Variants in IQCM observed in about 807,000 individuals in gnomAD.
IQCM encodes IQ domain-containing protein M.
A neutral mutation model predicts 57.6 loss-of-function variants in IQCM; 45 were observed. The observed-to-expected ratio is 0.78, with a 90% CI of 0.62 to 1.00. IQCM has a LOEUF of 1.00. Among genes scored for constraint, IQCM ranks in the 50% least tolerant of loss-of-function variants. IQCM has a pLI of 0.00. For synonymous variants in IQCM, 148 were observed against 158.9 expected, an observed-to-expected ratio of 0.93 and a Z score of 0.51; for missense variants, 468 against 511.6, an observed-to-expected ratio of 0.91 and a Z score of 0.82.
At chr4:149,447,184 G>T (rs1375150699) in intron 12 of IQCM, among the ~76,000 whole-genome samples, 1 of 151,566 alleles carries the variant, frequency 6.6e-6, no homozygotes, top group African/African-American at 2.4e-5. Context: ...AGGTAGGTTT[G>T]TAAGAAATTT....
intron 5 of IQCM, among the ~76,000 whole-genome samples, chr4:149,706,830 CTT>C (rs944252851): frequency 6.6e-6 from 1 of 151,872 alleles, no homozygotes; most frequent in East Asian, 1.9e-4. Flanking sequence ...CTGGACCTCT[CTT>C]TTTTATTCCT....
At chr4:149,456,342 G>A (rs912054394) in intron 12 of IQCM, among the ~76,000 whole-genome samples, 1 of 152,060 alleles carries the variant, frequency 6.6e-6, no homozygotes, top group Non-Finnish European at 1.5e-5. Context: ...ATCCAAAATG[G>A]TTAGGACTAG....
intron 12 of IQCM, among the ~76,000 whole-genome samples, chr4:149,542,749 TAAG>T (rs1432675673): frequency 2.6e-5 from 4 of 152,108 alleles, no homozygotes; most frequent in Admixed American, 1.3e-4. Context: ...TTTTCATAAT[TAAG>T]AATATGTAAG....
intron 13 of IQCM, among the ~76,000 whole-genome samples, chr4:149,364,765 A>G (rs1729721894): frequency 6.6e-6 from 1 of 152,192 alleles, no homozygotes; most frequent in African/African-American, 2.4e-5. Context: ...CAGTCTGATT[A>G]CCTACAGAAA....
At chr4:149,531,990 C>T (rs561440096) in intron 12 of IQCM, among the ~76,000 whole-genome samples, 36 of 152,136 alleles carry the variant, frequency 2.4e-4, no homozygotes, top group Non-Finnish European at 3.7e-4. Context: ...AAGAGGGTAG[C>T]TTTGCCTGAC....
chr4:149,354,756 G>A (rs1045133422), intron 13 of IQCM, among the ~76,000 whole-genome samples: 8 of 152,018 alleles, frequency 5.3e-5, no homozygotes, highest in Admixed American at 2.0e-4. Flanking sequence ...TTGAAATTGG[G>A]GATAATATAT....
At chr4:149,769,351 A>T (rs750448613) in intron 2 of IQCM, among the ~76,000 whole-genome samples, 4 of 151,960 alleles carry the variant, frequency 2.6e-5, no homozygotes, top group Non-Finnish European at 5.9e-5. Context: ...AATTGACCAC[A>T]CAAAATCCAA....
intron 5 of IQCM, among the ~76,000 whole-genome samples, chr4:149,717,603 A>G (rs1765107990): frequency 6.6e-6 from 1 of 152,234 alleles, no homozygotes; most frequent in African/African-American, 2.4e-5. Flanking sequence ...TCAAATGTTT[A>G]AAGTTAACTT....
At chr4:149,694,088 A>G (rs1763138912) in intron 5 of IQCM, among the ~76,000 whole-genome samples, 1 of 152,208 alleles carries the variant, frequency 6.6e-6, no homozygotes. Flanking sequence ...TTCAACAAAC[A>G]TTTGTTATAA....
chr4:149,481,701 G>GTTTTTTTTTTTTTTGTTTTGTTT (rs1740834894), intron 12 of IQCM, among the ~76,000 whole-genome samples: 1 of 51,550 alleles, frequency 1.9e-5, no homozygotes, highest in African/African-American at 7.6e-5. Flanking sequence ...TTCCAGTTTT[G>GTTTTTTTTTTTTTTGTTTTGTTT]TTTTTTTTTT....
intron 12 of IQCM, among the ~76,000 whole-genome samples, chr4:149,528,302 T>C (rs1746380623): frequency 1.3e-5 from 2 of 152,128 alleles, no homozygotes; most frequent in Admixed American, 6.5e-5. Flanking sequence ...GATTTTTAAA[T>C]AGAATACTCA....
chr4:149,650,408 T>C (rs1363946997), intron 7 of IQCM, among the ~76,000 whole-genome samples: 1 of 148,982 alleles, frequency 6.7e-6, no homozygotes, highest in Non-Finnish European at 1.5e-5. Flanking sequence ...TTCTGGGTTT[T>C]TTTTTTTTTT....
intron 7 of IQCM, among the ~76,000 whole-genome samples, chr4:149,643,031 CTTTT>C (rs945194374): frequency 1.4e-5 from 2 of 143,346 alleles, no homozygotes; most frequent in African/African-American, 2.4e-5. Context: ...AAATTTTTTC[CTTTT>C]TTTAACTTAA....
intron 8 of IQCM, among the ~76,000 whole-genome samples, chr4:149,607,498 A>T (rs1754896693): frequency 6.6e-6 from 1 of 152,116 alleles, no homozygotes; most frequent in Non-Finnish European, 1.5e-5. Flanking sequence ...ATACTCTAAC[A>T]ATGTAATTGC....
chr4:149,438,225 T>C (rs1296847353), intron 12 of IQCM, among the ~76,000 whole-genome samples: 1 of 152,030 alleles, frequency 6.6e-6, no homozygotes, highest in Non-Finnish European at 1.5e-5. Context: ...AAAAAAAACA[T>C]ATTTTATAGT....
At chr4:149,636,433 G>A (rs1271989558) in intron 7 of IQCM, among the ~76,000 whole-genome samples, 2 of 152,124 alleles carry the variant, frequency 1.3e-5, no homozygotes. Context: ...GGTGGCAGGA[G>A]AGGAGACCTA....
intron 12 of IQCM, among the ~76,000 whole-genome samples, chr4:149,439,477 T>G (rs1042889438): frequency 2.0e-5 from 3 of 152,056 alleles, no homozygotes; most frequent in Non-Finnish European, 2.9e-5. Flanking sequence ...CCCAAAACAC[T>G]AAAATACTTT....
At position 149,563,823 on chromosome 4, in the gene IQCM, C is replaced by A; in HGVS notation, c.817G>T (p.Glu273Ter). ...CTTTCTCGGAACACTTGGAAGATTT[C>A]TATGTGTGGTCCAATTCTTTTAACT... ...SKVKRIGPHI[E>*]IFQVFRERKK... Residue 273 changes from glutamate to a stop codon, truncating the protein, a stop_gained, in exon 10 of 14, where the codon GAA becomes TAA. Transcript: ENST00000636793. LOFTEE classifies it high-confidence loss of function. The A allele has an allele frequency of 2.4e-6, 3 of 1,231,824 alleles. No homozygotes were observed. The highest frequency in any genetic ancestry group is 3.0e-6 in the Non-Finnish European group (3 of 987,750). The allele number at this position is 1,231,824 out of a possible 1,614,324, so 76.3% of individuals were successfully genotyped here.
chr4:149,438,246 A>G (rs771076887), intron 12 of IQCM, among the ~76,000 whole-genome samples: 54 of 152,084 alleles, frequency 3.6e-4, no homozygotes, highest in Non-Finnish European at 6.8e-4. Flanking sequence ...TTTCATACTA[A>G]TACAGGCTAA....
Sources: allele counts gnomAD v4.1 joint callset (sites outside exome capture counted in the v4.1 genomes callset), GRCh38; gene constraint gnomAD v4.1.1; transcripts MANE v1.5; gene names NCBI Gene and HGNC (gene_info 2026-07-23, HGNC 2026-07-21).